SAMD12: variants seen among roughly 807,000 people sequenced by gnomAD.
The protein encoded by SAMD12 is sterile alpha motif domain-containing protein 12.
Under a neutral mutation model 15.0 loss-of-function variants are expected in SAMD12, and 9 were observed. That is an observed-to-expected ratio of 0.60 (90% CI 0.36 to 1.05). The LOEUF is 1.05. SAMD12 is among the 50% of genes least tolerant of loss of function. The pLI is 0.01. For synonymous variants in SAMD12, 86 were observed against 90.1 expected (o/e 0.96, Z 0.25); for missense variants, 230 against 234.2 (o/e 0.98, Z 0.12).
At chr8:118,149,430 A>G in the SAMD12 span, among the ~76,000 whole-genome samples, 1 of 152,184 alleles carries the variant, frequency 6.6e-6, no homozygotes, top group Non-Finnish European at 1.5e-5. Context: ...TTCCATCTGT[A>G]TATATTCAAA....
intron 4 of SAMD12, among the ~76,000 whole-genome samples, chr8:118,369,213 T>A (rs902787903): frequency 1.3e-5 from 2 of 152,144 alleles, no homozygotes; most frequent in Non-Finnish European, 2.9e-5. Flanking sequence ...AACAGACACG[T>A]AGACCAATGG....
chr8:118,506,210 T>G (rs541725349), intron 2 of SAMD12, among the ~76,000 whole-genome samples: 30 of 152,240 alleles, frequency 2.0e-4, no homozygotes, highest in Non-Finnish European at 4.1e-4. Flanking sequence ...TCCTAACTCC[T>G]TATCTACTTT....
At chr8:118,341,992 T>C (rs1351100248) in intron 4 of SAMD12, among the ~76,000 whole-genome samples, 2 of 152,158 alleles carry the variant, frequency 1.3e-5, no homozygotes, top group African/African-American at 4.8e-5. Context: ...AAAATTCCTA[T>C]GAAAAAGTTT....
intron 2 of SAMD12, among the ~76,000 whole-genome samples, chr8:118,502,575 C>G (rs545753044): frequency 6.6e-6 from 1 of 152,162 alleles, no homozygotes; most frequent in Non-Finnish European, 1.5e-5. Flanking sequence ...CTAATAGTCT[C>G]CAGTGGATAC....
At chr8:118,564,110 C>T (rs977118594) in intron 2 of SAMD12, among the ~76,000 whole-genome samples, 2 of 152,202 alleles carry the variant, frequency 1.3e-5, no homozygotes, top group Non-Finnish European at 2.9e-5. Flanking sequence ...GCCACATATA[C>T]CAGATTTGCA....
At chr8:118,263,713 T>C (rs1181872583) in intron 4 of SAMD12, among the ~76,000 whole-genome samples, 1 of 152,014 alleles carries the variant, frequency 6.6e-6, no homozygotes, top group Non-Finnish European at 1.5e-5. Context: ...TATGTGAAAA[T>C]ACAATGGAAG....
intron 2 of SAMD12, among the ~76,000 whole-genome samples, chr8:118,477,775 G>A (rs976111282): frequency 1.3e-5 from 2 of 152,062 alleles, no homozygotes; most frequent in African/African-American, 2.4e-5. Context: ...AGCACTTTGG[G>A]AGCTGAGGTG....
At chr8:118,352,957 A>G (rs1818032079) in intron 4 of SAMD12, among the ~76,000 whole-genome samples, 1 of 152,196 alleles carries the variant, frequency 6.6e-6, no homozygotes, top group Non-Finnish European at 1.5e-5. Context: ...GATCATAAAA[A>G]TAATTATGTT....
At chr8:118,245,877 T>C (rs1175642634) in intron 4 of SAMD12, among the ~76,000 whole-genome samples, 2 of 152,018 alleles carry the variant, frequency 1.3e-5, no homozygotes, top group South Asian at 4.1e-4. Context: ...ATTGAGAAAA[T>C]GTAACCTAGT....
At chr8:118,539,258 C>G (rs1232593436) in intron 2 of SAMD12, among the ~76,000 whole-genome samples, 1 of 152,200 alleles carries the variant, frequency 6.6e-6, no homozygotes, top group African/African-American at 2.4e-5. Flanking sequence ...CATTATTATT[C>G]AGTACCAAGT....
chr8:118,134,522 C>T, the SAMD12 span, among the ~76,000 whole-genome samples: 1 of 152,226 alleles, frequency 6.6e-6, no homozygotes, highest in Non-Finnish European at 1.5e-5. Flanking sequence ...CTGTCAGCAT[C>T]ACCTAGCAAC....
At chr8:118,449,713 A>G (rs113041557) in intron 2 of SAMD12, among the ~76,000 whole-genome samples, 2,553 of 147,546 alleles carry the variant, frequency 0.017, 63 homozygotes, top group African/African-American at 0.046. Context: ...AGGCAGGAGA[A>G]TGGCGTGAAC....
At chr8:118,320,679 G>T (rs1816195874) in intron 4 of SAMD12, among the ~76,000 whole-genome samples, 2 of 146,318 alleles carry the variant, frequency 1.4e-5, no homozygotes, top group Admixed American at 1.4e-4. Context: ...GGGTGGGGGG[G>T]GTGGGGAGGG....
intron 3 of SAMD12, among the ~76,000 whole-genome samples, chr8:118,423,824 G>T (rs748972103): frequency 2.6e-5 from 4 of 152,080 alleles, no homozygotes; most frequent in Admixed American, 2.0e-4. Context: ...ACCTTAAAGG[G>T]TTATTGTGAA....
chr8:118,217,388 C>T (rs1811989577), intron 4 of SAMD12, among the ~76,000 whole-genome samples: 1 of 152,212 alleles, frequency 6.6e-6, no homozygotes, highest in Non-Finnish European at 1.5e-5. Flanking sequence ...TCTTGCTCAT[C>T]AGCACATACC....
the SAMD12 span, among the ~76,000 whole-genome samples, chr8:118,173,028 A>G: frequency 6.6e-6 from 1 of 152,104 alleles, no homozygotes; most frequent in Non-Finnish European, 1.5e-5. Flanking sequence ...TATTTCACTT[A>G]CCATAATGTG....
At chr8:118,373,146 G>A (rs1819193637), downstream of SAMD12, among the ~76,000 whole-genome samples, 1 of 152,104 alleles carries the variant, frequency 6.6e-6, no homozygotes, top group Non-Finnish European at 1.5e-5. Flanking sequence ...GAATTTTACT[G>A]TATGCAATAC....
chr8:118,160,074 T>C, the SAMD12 span, among the ~76,000 whole-genome samples: 1 of 152,218 alleles, frequency 6.6e-6, no homozygotes, highest in Non-Finnish European at 1.5e-5. Flanking sequence ...AATTTCCAAG[T>C]AATTTAAATA....
chr8:118,391,491 C>A (rs1820273294), intron 3 of SAMD12, among the ~76,000 whole-genome samples: 1 of 152,196 alleles, frequency 6.6e-6, no homozygotes, highest in Non-Finnish European at 1.5e-5. Flanking sequence ...CAAGCATCTT[C>A]TTGCCCCTCA....
Sources: allele counts gnomAD v4.1 joint callset (sites outside exome capture counted in the v4.1 genomes callset), GRCh38; gene constraint gnomAD v4.1.1; transcripts MANE v1.5; gene names NCBI Gene and HGNC (gene_info 2026-07-23, HGNC 2026-07-21).